Variants in LPP observed in about 807,000 individuals in gnomAD.
The protein encoded by LPP is lipoma-preferred partner.
In LPP, 38 loss-of-function variants were observed where a neutral mutation model predicts 60.4. The observed-to-expected ratio is 0.63, with a 90% CI of 0.49 to 0.83. The LOEUF is 0.83. LPP is among the 40% of genes least tolerant of loss of function. The pLI is 0.00. For missense variants in LPP, 902 were observed against 783.6 expected (o/e 1.15, Z -1.80); for synonymous variants, 328 against 290.8 (o/e 1.13, Z -1.30).
intron 9 of LPP, among the ~76,000 whole-genome samples, chr3:188,783,970 G>A (rs1041362785): frequency 6.6e-6 from 1 of 152,034 alleles, no homozygotes; most frequent in African/African-American, 2.4e-5. Flanking sequence ...GGTGGTGTTT[G>A]GTTACATGAG....
chr3:188,479,446 G>A (rs988264416), intron 4 of LPP, among the ~76,000 whole-genome samples: 24 of 152,178 alleles, frequency 1.6e-4, no homozygotes, highest in Non-Finnish European at 2.6e-4. Context: ...TAGGTTCCCC[G>A]ATGATTGGAA....
chr3:188,405,453 C>T (rs961385443), intron 3 of LPP, among the ~76,000 whole-genome samples: 6 of 152,136 alleles, frequency 3.9e-5, no homozygotes, highest in Admixed American at 6.6e-5. Context: ...CCTCCAAGCA[C>T]ACTAAACGTA....
intron 7 of LPP, among the ~76,000 whole-genome samples, chr3:188,684,913 A>C (rs1860351816): frequency 6.6e-6 from 1 of 152,232 alleles, no homozygotes; most frequent in Non-Finnish European, 1.5e-5. Context: ...ATGTGCTAAA[A>C]GCATATAACT....
In LPP at chr3:188,741,570, A is replaced by ATTT. The variant is rs72066131; in HGVS notation, c.1241-18532_1241-18530dup. ...CATGGTATATCTCTCCCTTTACTTCATTTTTTTTTTTTTGGTTCTCTCAGC... is the reference window on the plus strand; with the variant it reads ...CATGGTATATCTCTCCCTTTACTTCATTTTTTTTTTTTTTTTGGTTCTCTCAGC... On this transcript the variant is annotated intron_variant, in intron 8 of 11. Coordinates refer to ENST00000617246, the MANE Select transcript of LPP (RefSeq NM_001375462.1). 6.3e-3 allele frequency among the ~76,000 whole-genome samples: 910 copies of ATTT among 143,814 alleles called. 10 individuals are homozygous for ATTT. The highest frequency in any genetic ancestry group is 0.017 in the African/African-American group (681 of 39,314). The allele number at this position is 143,814 out of a possible 152,430, so 94.3% of individuals were successfully genotyped here.
intron 4 of LPP, among the ~76,000 whole-genome samples, chr3:188,445,869 A>G (rs1424057600): frequency 6.6e-6 from 1 of 152,234 alleles, no homozygotes; most frequent in Non-Finnish European, 1.5e-5. Flanking sequence ...AATGAGATAA[A>G]GAATTCCTGG....
At chr3:188,501,241 T>C (rs929705836) in intron 5 of LPP, among the ~76,000 whole-genome samples, 3 of 152,212 alleles carry the variant, frequency 2.0e-5, no homozygotes, top group East Asian at 3.9e-4. Context: ...ACGTTTGGTA[T>C]GTTTTCTTTC....
At chr3:188,252,147 T>C (rs1729986649) in intron 2 of LPP, among the ~76,000 whole-genome samples, 1 of 125,078 alleles carries the variant, frequency 8.0e-6, no homozygotes, top group Non-Finnish European at 1.7e-5. Flanking sequence ...CAGTAAAACC[T>C]GTAATGCCCC....
chr3:188,183,628 G>A (rs1337654713), intron 1 of LPP, among the ~76,000 whole-genome samples: 1 of 151,932 alleles, frequency 6.6e-6, no homozygotes, highest in Non-Finnish European at 1.5e-5. Context: ...TGATTACGTG[G>A]CAAAGCGGAA....
chr3:188,200,761 A>C (rs1044626587), intron 1 of LPP, among the ~76,000 whole-genome samples: 5 of 152,194 alleles, frequency 3.3e-5, no homozygotes, highest in Non-Finnish European at 1.5e-5. Context: ...TGATGCAGAA[A>C]GGCACTCTAG....
At chr3:188,780,050 G>A (rs761343148) in intron 9 of LPP, among the ~76,000 whole-genome samples, 2 of 152,042 alleles carry the variant, frequency 1.3e-5, no homozygotes, top group Non-Finnish European at 2.9e-5. Flanking sequence ...AAGGCTGTGT[G>A]GCTCTAAACC....
chr3:188,600,209 T>C (rs897899707), intron 6 of LPP, among the ~76,000 whole-genome samples: 4 of 148,276 alleles, frequency 2.7e-5, no homozygotes, highest in Non-Finnish European at 4.5e-5. Flanking sequence ...TGATATATAT[T>C]ATGTTAAATA....
intron 1 of LPP, among the ~76,000 whole-genome samples, chr3:188,219,993 A>G (rs1715172828): frequency 6.6e-6 from 1 of 152,106 alleles, no homozygotes; most frequent in African/African-American, 2.4e-5. Context: ...TGCTAACTCA[A>G]CCACAGTTAG....
chr3:188,188,784 A>C (rs537108884), intron 1 of LPP, among the ~76,000 whole-genome samples: 1 of 152,284 alleles, frequency 6.6e-6, no homozygotes, highest in African/African-American at 2.4e-5. Context: ...GTCACCCTGC[A>C]CCATGGTATT....
intron 4 of LPP, among the ~76,000 whole-genome samples, chr3:188,483,542 G>A (rs1327971650): frequency 6.6e-6 from 1 of 152,148 alleles, no homozygotes; most frequent in African/African-American, 2.4e-5. Flanking sequence ...CAGGTTAAAA[G>A]GTAGAAGTTT....
chr3:188,568,705 A>C (rs1440891511), intron 6 of LPP: 1 of 151,968 alleles, frequency 6.6e-6, no homozygotes, highest in Non-Finnish European at 1.5e-5. Flanking sequence ...AACTAAACTG[A>C]GGTCTGACAA....
At chr3:188,611,899 T>G (rs1005415520) in intron 7 of LPP, among the ~76,000 whole-genome samples, 7 of 152,200 alleles carry the variant, frequency 4.6e-5, no homozygotes, top group African/African-American at 1.7e-4. Context: ...GGATCTAAAG[T>G]GCTGGGTCCA....
chr3:188,822,164 G>A (rs1283569991), intron 9 of LPP, among the ~76,000 whole-genome samples: 1 of 152,034 alleles, frequency 6.6e-6, no homozygotes, highest in African/African-American at 2.4e-5. Flanking sequence ...GAAATGAGTG[G>A]GTCCACTTCC....
In LPP at chr3:188,887,419, T is replaced by A. The variant is rs1309239994; in HGVS notation, c.*12940T>A. The A allele has an allele frequency of 2.3e-5, 5 of 216,190 alleles. No individual in the cohort carries two copies. Among genetic ancestry groups the A allele is most frequent in the Non-Finnish European group, 4.7e-5 (5 of 107,236 alleles). The allele number at this position is 216,190 out of a possible 1,614,324, so 13.4% of individuals were successfully genotyped here. On this transcript the variant is annotated 3_prime_UTR_variant, in exon 12 of 12. Coordinates refer to ENST00000617246, the MANE Select transcript of LPP (RefSeq NM_001375462.1). ...GGTTATGATATATCTGCCCAATGTG[T>A]TTCATTCCTTCAAACATAAACTTTG...
chr3:188,255,469 GA>G (rs1731346273), intron 2 of LPP, among the ~76,000 whole-genome samples: 1 of 152,092 alleles, frequency 6.6e-6, no homozygotes. Context: ...CTTATTCATA[GA>G]TTCTGGGCAA....
Sources: gnomAD v4.1 joint callset for allele counts (sites outside exome capture counted in the v4.1 genomes callset) on GRCh38, gnomAD v4.1.1 for gene constraint, MANE v1.5 for transcripts, NCBI Gene and HGNC (gene_info 2026-07-23, HGNC 2026-07-21) for gene names.